EBF1: variants seen among roughly 807,000 people sequenced by gnomAD.
EBF1 encodes the protein transcription factor COE1.
Under a neutral mutation model 68.4 loss-of-function variants are expected in EBF1, and 10 were observed. The ratio of observed to expected loss-of-function variants is 0.15; its 90% CI spans 0.09 to 0.25. The LOEUF (loss-of-function observed/expected upper bound fraction) is 0.25, where lower values mean the gene tolerates loss of function less well. EBF1 is among the 10% of genes least tolerant of loss of function. The pLI, the probability that EBF1 is intolerant of heterozygous loss-of-function variation, is 1.00. For missense variants in EBF1, 509 were observed against 794.4 expected (o/e 0.64, Z 4.32); for synonymous variants, 298 against 299.8 (o/e 0.99, Z 0.06).
At chr5:158,820,277 G>A (rs549292601) in intron 8 of EBF1, among the ~76,000 whole-genome samples, 1 of 151,632 alleles carries the variant, frequency 6.6e-6, no homozygotes, top group East Asian at 1.9e-4. Context: ...TGGGGGGTGG[G>A]AGCGGAGACA....
At chr5:158,956,976 T>G (rs1055169392) in intron 6 of EBF1, among the ~76,000 whole-genome samples, 1 of 152,102 alleles carries the variant, frequency 6.6e-6, no homozygotes, top group East Asian at 1.9e-4. Context: ...GCCAAGATGG[T>G]CTCGATCTCC....
chr5:159,095,596 G>A (rs1249467310), intron 4 of EBF1, 24 bp downstream of exon 4: 2 of 1,613,332 alleles, frequency 1.2e-6, no homozygotes, highest in East Asian at 2.2e-5. Flanking sequence ...AGAGCCCCCC[G>A]TGGCCCAAAA....
intron 6 of EBF1, among the ~76,000 whole-genome samples, chr5:158,999,220 A>C (rs777650098): frequency 3.3e-5 from 5 of 152,238 alleles, no homozygotes; most frequent in Non-Finnish European, 7.3e-5. Flanking sequence ...ATAATGCCCC[A>C]AAAACAGAAA....
At chr5:158,761,208 G>C (rs1181979785) in intron 10 of EBF1, among the ~76,000 whole-genome samples, 1 of 152,166 alleles carries the variant, frequency 6.6e-6, no homozygotes, top group Non-Finnish European at 1.5e-5. Flanking sequence ...TCACAAAGGA[G>C]ATAACTCTAT....
intron 6 of EBF1, among the ~76,000 whole-genome samples, chr5:158,969,919 A>AGAAAGAAGGAAG (rs199980397): frequency 1.7e-5 from 1 of 60,176 alleles, no homozygotes; most frequent in African/African-American, 6.1e-5. Context: ...AAAGAAAGAA[A>AGAAAGAAGGAAG]AAAAAAAAAA....
intron 6 of EBF1, among the ~76,000 whole-genome samples, chr5:158,861,201 A>G (rs1295823470): frequency 6.6e-6 from 1 of 152,208 alleles, no homozygotes; most frequent in East Asian, 1.9e-4. Flanking sequence ...GGCAGGCTAA[A>G]AAAAAATAAA....
chr5:158,785,250 C>T (rs1777194985), intron 9 of EBF1, among the ~76,000 whole-genome samples: 1 of 152,160 alleles, frequency 6.6e-6, no homozygotes, highest in South Asian at 2.1e-4. Flanking sequence ...AACAGGCAAA[C>T]TTGTTTTCCC....
chr5:158,959,928 C>T (rs1252059032), intron 6 of EBF1, among the ~76,000 whole-genome samples: 1 of 152,080 alleles, frequency 6.6e-6, no homozygotes, highest in Non-Finnish European at 1.5e-5. Context: ...TGGAACAGAA[C>T]AGAAAGCCAT....
At chr5:159,054,845 G>T (rs1774457652) in intron 6 of EBF1, among the ~76,000 whole-genome samples, 1 of 152,160 alleles carries the variant, frequency 6.6e-6, no homozygotes, top group Non-Finnish European at 1.5e-5. Context: ...ACCTTTTGGG[G>T]TTACTATCTC....
chr5:159,040,615 A>G (rs1771003856), intron 6 of EBF1, among the ~76,000 whole-genome samples: 1 of 152,240 alleles, frequency 6.6e-6, no homozygotes. Flanking sequence ...AGAAAAGAAA[A>G]CAAAGATTTT....
chr5:158,904,083 A>G (rs1804035288), intron 6 of EBF1, among the ~76,000 whole-genome samples: 1 of 152,166 alleles, frequency 6.6e-6, no homozygotes, highest in Non-Finnish European at 1.5e-5. Context: ...TCCAATTCAC[A>G]TTACTTCCTG....
intron 6 of EBF1, among the ~76,000 whole-genome samples, chr5:159,050,680 G>A (rs1336948089): frequency 6.6e-6 from 1 of 152,138 alleles, no homozygotes. Flanking sequence ...CCTTATAAGG[G>A]TTGACTGACT....
intron 6 of EBF1, among the ~76,000 whole-genome samples, chr5:158,960,859 C>G (rs2127533671): frequency 6.6e-6 from 1 of 152,308 alleles, no homozygotes; most frequent in Admixed American, 6.5e-5. Flanking sequence ...AAACTGAGGC[C>G]TCAGGCCAAT....
At chr5:159,050,355 TC>T (rs1220509424) in intron 6 of EBF1, among the ~76,000 whole-genome samples, 1 of 151,868 alleles carries the variant, frequency 6.6e-6, no homozygotes, top group Non-Finnish European at 1.5e-5. Context: ...CCTCCATGCT[TC>T]CCCACCAGGA....
At chr5:158,774,490 A>G (rs1774633707) in intron 10 of EBF1, among the ~76,000 whole-genome samples, 1 of 151,970 alleles carries the variant, frequency 6.6e-6, no homozygotes, top group African/African-American at 2.4e-5. Context: ...TCAAGGGAAA[A>G]ATTCCAAGTG....
At chr5:159,067,119 A>G (rs1776972753) in intron 6 of EBF1, among the ~76,000 whole-genome samples, 1 of 152,156 alleles carries the variant, frequency 6.6e-6, no homozygotes, top group African/African-American at 2.4e-5. Flanking sequence ...AATGAGGGGA[A>G]TTTATCAATG....
At position 158,799,904 on chromosome 5, in the gene EBF1, G is replaced by A. The variant is rs374052139; in HGVS notation, c.779-3429C>T. ...AACGAATTCAGTATTTTTTTAATGC[G>A]TAGGCCAAACAAAATGTTTGTGGGC... On this transcript the variant is annotated intron_variant, in intron 8 of 15. Coordinates refer to ENST00000313708, the MANE Select transcript of EBF1 (RefSeq NM_024007.5). Among the ~76,000 whole-genome samples the A allele has an allele frequency of 4.6e-5, 7 of 152,072 alleles. No homozygotes were observed. The South Asian group carries it at 6.2e-4, about 14-fold the overall frequency.
intron 6 of EBF1, among the ~76,000 whole-genome samples, chr5:158,978,799 C>T (rs1398619808): frequency 2.4e-3 from 35 of 14,658 alleles, no homozygotes; most frequent in Non-Finnish European, 0.01. Context: ...CACACACATA[C>T]ACACACACAC....
chr5:158,707,990 T>C lies in EBF1; in HGVS notation c.1733A>G (p.Asn578Ser). The change falls in exon 15 of 16, where the codon AAC (asparagine) becomes AGC (serine). Residue 578 changes from asparagine to serine, a missense_variant. By Grantham distance (46) the Asn-to-Ser change is conservative. Coordinates refer to ENST00000313708, the MANE Select transcript of EBF1 (RefSeq NM_024007.5). ...PPPTCTSTNG[N>S]SLQAISGMIV... ...GGCCTGGGGCTTACCTTGCAGGCTG[T>C]TCCCGTTGGTGCTGGTGCAGGTGGG... is the stretch of plus-strand genomic sequence containing the variant. 1 of 1,549,796 alleles carries C rather than the reference T, an allele frequency of 6.5e-7. No homozygotes were observed. Among genetic ancestry groups the C allele is most frequent in the Non-Finnish European group, 8.7e-7 (1 of 1,146,738 alleles).
Sources: gnomAD v4.1 joint callset for allele counts (sites outside exome capture counted in the v4.1 genomes callset) on GRCh38, gnomAD v4.1.1 for gene constraint, MANE v1.5 for transcripts, NCBI Gene and HGNC (gene_info 2026-07-23, HGNC 2026-07-21) for gene names.